GMDS: variants seen among roughly 807,000 people sequenced by gnomAD.
GMDS encodes the protein GDP-mannose 4,6-dehydratase.
GMDS carries 20 observed loss-of-function variants against 49.9 expected under a neutral mutation model. That is an observed-to-expected ratio of 0.40 (90% CI 0.28 to 0.58). The LOEUF is 0.58. Ranked by LOEUF, GMDS falls within the 20% of genes least tolerant of loss-of-function variation. GMDS has a pLI of 0.42. For synonymous variants in GMDS, 177 were observed against 178.6 expected, an observed-to-expected ratio of 0.99 and a Z score of 0.07; for missense variants, 362 against 481.4, an observed-to-expected ratio of 0.75 and a Z score of 2.32.
At chr6:1,800,599 A>T (rs1386710522) in intron 7 of GMDS, among the ~76,000 whole-genome samples, 1 of 126,780 alleles carries the variant, frequency 7.9e-6, no homozygotes, top group East Asian at 2.3e-4. Context: ...ACCATGCCCA[A>T]TTAATTTTTC....
chr6:2,001,395 T>C (rs903467850), intron 4 of GMDS, among the ~76,000 whole-genome samples: 2 of 152,200 alleles, frequency 1.3e-5, no homozygotes, highest in Non-Finnish European at 2.9e-5. Context: ...CTATCCCTTA[T>C]CAGATACATG....
At chr6:2,106,842 G>A (rs992584451) in intron 4 of GMDS, among the ~76,000 whole-genome samples, 2 of 147,458 alleles carry the variant, frequency 1.4e-5, no homozygotes, top group African/African-American at 5.3e-5. Flanking sequence ...CAGCCTGGGC[G>A]ACAGAGCGAG....
intron 7 of GMDS, among the ~76,000 whole-genome samples, chr6:1,752,729 T>G (rs1356978849): frequency 1.3e-5 from 2 of 152,154 alleles, no homozygotes; most frequent in Non-Finnish European, 2.9e-5. Flanking sequence ...GGGGCCAATA[T>G]TCAACATTCT....
At position 2,191,810 on chromosome 6, in the gene GMDS, C is replaced by T. The variant is rs1779032001; in HGVS notation, c.102+53511G>A. Among the ~76,000 whole-genome samples the T allele has an allele frequency of 6.6e-6, 1 of 152,210 alleles. No homozygotes were observed. Among genetic ancestry groups the T allele is most frequent in the Non-Finnish European group, 1.5e-5 (1 of 68,028 alleles). On this transcript the variant is annotated intron_variant, in intron 1 of 10. Transcript: ENST00000380815. The surrounding 1 kb of genome is among the most constrained non-coding windows in gnomAD (Gnocchi z 4.6). ...ACCACAGACCATGGCAGGAAGCAGA[C>T]AGGCTCCGGGGTGGAAGGGGGTAGG...
intron 4 of GMDS, among the ~76,000 whole-genome samples, chr6:2,112,824 T>C (rs746187901): frequency 6.6e-6 from 1 of 152,072 alleles, no homozygotes; most frequent in Non-Finnish European, 1.5e-5. Flanking sequence ...AATGACCCAA[T>C]TTCTTGACTG....
intron 7 of GMDS, among the ~76,000 whole-genome samples, chr6:1,762,658 G>A (rs867160235): frequency 3.3e-5 from 5 of 152,346 alleles, no homozygotes; most frequent in Middle Eastern, 3.4e-3. Context: ...CGAAAAGGCA[G>A]ATGTTAACTT....
intron 7 of GMDS, among the ~76,000 whole-genome samples, chr6:1,746,028 T>C (rs1160280641): frequency 6.6e-6 from 1 of 152,208 alleles, no homozygotes; most frequent in Admixed American, 6.5e-5. Context: ...GCTGCACACG[T>C]TGATGTGCTC....
chr6:2,087,835 G>A (rs1341144114), intron 4 of GMDS, among the ~76,000 whole-genome samples: 2 of 152,168 alleles, frequency 1.3e-5, no homozygotes, highest in Admixed American at 1.3e-4. Context: ...GTTAGATTGA[G>A]TGAAGTCCCT....
At position 1,808,904 on chromosome 6, in the gene GMDS, CTGTGTGTG is replaced by C. The variant is rs35317273; in HGVS notation, c.772-66326_772-66319del. ...TTCTTTGCACTAGTGCATGCTCTCT[CTGTGTGTG>C]TGTGTGTGTGTGTGTACACCTATAC... On this transcript the variant is annotated intron_variant, in intron 7 of 10. Coordinates refer to ENST00000380815, the MANE Select transcript of GMDS (RefSeq NM_001500.4). Among the ~76,000 whole-genome samples, 26 of 149,414 alleles carry C rather than the reference CTGTGTGTG, an allele frequency of 1.7e-4. No individual in the cohort carries two copies. The East Asian group carries it at 4.3e-3, about 25-fold the overall frequency.
chr6:1,916,596 G>T (rs916129775), intron 7 of GMDS, among the ~76,000 whole-genome samples: 1 of 152,206 alleles, frequency 6.6e-6, no homozygotes. Flanking sequence ...TCGTGGCACA[G>T]TGACTTAGGA....
chr6:2,210,282 C>T (rs1581801092), intron 1 of GMDS, among the ~76,000 whole-genome samples: 1 of 152,188 alleles, frequency 6.6e-6, no homozygotes, highest in South Asian at 2.1e-4. Flanking sequence ...CTGCACCTAC[C>T]TTAGCACACT....
chr6:2,030,204 A>G, intron 4 of GMDS, among the ~76,000 whole-genome samples: 1 of 152,166 alleles, frequency 6.6e-6, no homozygotes, highest in East Asian at 1.9e-4. Context: ...TGGTCTTTGC[A>G]AGATCATTTC....
chr6:2,215,169 T>G (rs563283574), intron 1 of GMDS, among the ~76,000 whole-genome samples: 1 of 152,196 alleles, frequency 6.6e-6, no homozygotes, highest in South Asian at 2.1e-4. Flanking sequence ...AATGGCTCAG[T>G]GTCCTCAACA....
intron 1 of GMDS, among the ~76,000 whole-genome samples, chr6:2,161,794 G>A (rs1355688826): frequency 6.6e-6 from 1 of 152,114 alleles, no homozygotes; most frequent in Non-Finnish European, 1.5e-5. Context: ...ACACAAAAAA[G>A]GGCTAAGGGT....
chr6:1,911,281 C>T (rs551163115), intron 7 of GMDS, among the ~76,000 whole-genome samples: 2 of 152,248 alleles, frequency 1.3e-5, no homozygotes, highest in African/African-American at 4.8e-5. Flanking sequence ...ATCTTTGGAC[C>T]ATTAATACTG....
At chr6:2,000,030 TA>T (rs1581492950) in intron 4 of GMDS, among the ~76,000 whole-genome samples, 2 of 16,370 alleles carry the variant, frequency 1.2e-4, no homozygotes, top group African/African-American at 3.4e-4. Flanking sequence ...TATATATATC[TA>T]TATCTTTTTT....
At chr6:2,035,641 AAC>A (rs1374956817) in intron 4 of GMDS, among the ~76,000 whole-genome samples, 1 of 152,160 alleles carries the variant, frequency 6.6e-6, no homozygotes. Flanking sequence ...AGCAGAAAAT[AAC>A]ACAGAACAAC....
At chr6:1,881,652 C>T (rs980495756) in intron 7 of GMDS, among the ~76,000 whole-genome samples, 1 of 152,206 alleles carries the variant, frequency 6.6e-6, no homozygotes, top group Non-Finnish European at 1.5e-5. Flanking sequence ...AAAAAATGTT[C>T]TGTTTTCAGC....
intron 4 of GMDS, among the ~76,000 whole-genome samples, chr6:2,023,294 C>T (rs1445919160): frequency 6.6e-6 from 1 of 152,192 alleles, no homozygotes; most frequent in Non-Finnish European, 1.5e-5. Flanking sequence ...TATACTCGAA[C>T]CTCTTTCATT....
Sources: allele counts gnomAD v4.1 joint callset (sites outside exome capture counted in the v4.1 genomes callset), GRCh38; gene constraint gnomAD v4.1.1; non-coding constraint Gnocchi (gnomAD v3.1); transcripts MANE v1.5; gene names NCBI Gene and HGNC (gene_info 2026-07-23, HGNC 2026-07-21).